The following GPHN variants were observed in gnomAD, a reference collection of about 807,000 sequenced individuals.
GPHN encodes the protein gephyrin.
Under a neutral mutation model 95.5 loss-of-function variants are expected in GPHN, and 17 were observed. The ratio of observed to expected loss-of-function variants is 0.18; its 90% CI spans 0.12 to 0.27. The LOEUF is 0.27. GPHN is among the 10% of genes least tolerant of loss of function. GPHN has a pLI of 1.00. For missense variants in GPHN, 660 were observed against 978.1 expected (o/e 0.67, Z 4.34); for synonymous variants, 320 against 322.5 (o/e 0.99, Z 0.08).
chr14:67,407,782 G>T, the GPHN span, among the ~76,000 whole-genome samples: 1 of 152,096 alleles, frequency 6.6e-6, no homozygotes, highest in Non-Finnish European at 1.5e-5. Context: ...GGCACAGAAA[G>T]GTCTTGCCCA....
chr14:66,941,234 C>G (rs775944518), intron 8 of GPHN, among the ~76,000 whole-genome samples: 1 of 146,604 alleles, frequency 6.8e-6, no homozygotes, highest in African/African-American at 2.7e-5. Flanking sequence ...CATAATTTCT[C>G]TCTCTCCAGT....
the GPHN span, among the ~76,000 whole-genome samples, chr14:67,508,425 T>G: frequency 2.6e-5 from 4 of 151,998 alleles, no homozygotes; most frequent in Non-Finnish European, 4.4e-5. Flanking sequence ...CCAAAAAACT[T>G]GCATCACACG....
At chr14:67,203,284 T>A in the GPHN span, 1 of 1,585,732 alleles carries the variant, frequency 6.3e-7, no homozygotes, top group Admixed American at 1.8e-5. Context: ...GAGAAACTAG[T>A]GCTCACCAGG....
the GPHN span, chr14:67,201,582 C>A: frequency 1.2e-4 from 53 of 454,196 alleles, no homozygotes; most frequent in Non-Finnish European, 2.0e-4. Flanking sequence ...TTGCTGGTCA[C>A]ATGCCACTGC....
At chr14:67,618,857 A>G in the GPHN span, among the ~76,000 whole-genome samples, 1 of 152,266 alleles carries the variant, frequency 6.6e-6, no homozygotes, top group African/African-American at 2.4e-5. Flanking sequence ...TTAGGGTACT[A>G]AAACTCCTTT....
At chr14:66,633,390 A>G (rs775343560) in intron 1 of GPHN, among the ~76,000 whole-genome samples, 4 of 152,182 alleles carry the variant, frequency 2.6e-5, no homozygotes, top group African/African-American at 4.8e-5. Context: ...AAACTTTTCT[A>G]TTTCCATAAA....
At chr14:67,284,424 T>C in the GPHN span, among the ~76,000 whole-genome samples, 2 of 83,774 alleles carry the variant, frequency 2.4e-5, no homozygotes, top group East Asian at 6.8e-4. Context: ...ATAGACCCTA[T>C]CTCTTAAAAA....
the GPHN span, chr14:67,303,676 A>G: frequency 3.0e-6 from 3 of 991,338 alleles, no homozygotes; most frequent in Non-Finnish European, 4.9e-6. Flanking sequence ...CTGTTACAGA[A>G]ATGTCACTGT....
At chr14:67,216,898 GA>G in the GPHN span, among the ~76,000 whole-genome samples, 1 of 152,166 alleles carries the variant, frequency 6.6e-6, no homozygotes, top group Admixed American at 6.5e-5. Context: ...GCTGTTGGAT[GA>G]AATGTTCTAT....
chr14:67,264,984 T>C, the GPHN span, among the ~76,000 whole-genome samples: 1 of 152,212 alleles, frequency 6.6e-6, no homozygotes, highest in South Asian at 2.1e-4. Flanking sequence ...GTTTAAGTTA[T>C]AATACATGTT....
the GPHN span, among the ~76,000 whole-genome samples, chr14:67,436,121 T>C: frequency 6.6e-6 from 1 of 152,226 alleles, no homozygotes. Context: ...TACTGGAAAC[T>C]ACTGATCCAT....
the GPHN span, chr14:67,727,486 T>G: frequency 1.2e-4 from 26 of 215,798 alleles, no homozygotes; most frequent in Non-Finnish European, 1.4e-4. Context: ...GTTTTTTTTG[T>G]TTTTTTTTTT....
Position 66,722,339 on chromosome 14 carries a change from G to A in GPHN, c.143+41154G>A, listed in dbSNP as rs568925436. 1.2e-4 allele frequency among the ~76,000 whole-genome samples: 19 copies of A among 152,220 alleles called. No homozygotes were observed. In the South Asian group the frequency reaches 3.5e-3, roughly 28 times the overall value. On this transcript the variant is annotated intron_variant, in intron 2 of 22. Transcript: ENST00000478722. ...TGGGGGAAAACCCTTTCACGATATC[G>A]TTATCAAGAGCAGACAGGTAATCCA...
At chr14:67,416,537 C>T in the GPHN span, among the ~76,000 whole-genome samples, 4 of 152,324 alleles carry the variant, frequency 2.6e-5, no homozygotes, top group South Asian at 8.3e-4. Flanking sequence ...CAGGAAAAGA[C>T]TAAAGAGAAA....
chr14:67,058,796 T>C lies in GPHN; in HGVS notation c.1144+10T>C. The C allele has an allele frequency of 6.2e-7, 1 of 1,611,352 alleles. No individual in the cohort carries two copies. The highest frequency in any genetic ancestry group is 1.1e-5 in the South Asian group (1 of 91,032). ...ATCATCAATTACCGAGGTACTATTATATTTGACCATTGCCCTTTCTTTTCT... is the reference window on the plus strand; with the variant it reads ...ATCATCAATTACCGAGGTACTATTACATTTGACCATTGCCCTTTCTTTTCT... On this transcript the variant is annotated intron_variant, in intron 11 of 22. Transcript: ENST00000478722.
chr14:67,058,268 CTT>C (rs2075683527), intron 10 of GPHN, among the ~76,000 whole-genome samples: 1 of 152,056 alleles, frequency 6.6e-6, no homozygotes, highest in African/African-American at 2.4e-5. Flanking sequence ...GTTTTTCAAA[CTT>C]TGAAAATTTT....
At chr14:67,571,980 C>A in the GPHN span, 1 of 1,515,786 alleles carries the variant, frequency 6.6e-7, no homozygotes, top group East Asian at 2.5e-5. Context: ...TGAACATGGG[C>A]GTCCCCACTT....
the GPHN span, among the ~76,000 whole-genome samples, chr14:67,419,951 A>G: frequency 6.6e-6 from 1 of 152,190 alleles, no homozygotes; most frequent in Non-Finnish European, 1.5e-5. Flanking sequence ...AGTAGCAGGA[A>G]TCATGTCCAT....
chr14:67,079,222 A>G (rs1242044320), intron 11 of GPHN, among the ~76,000 whole-genome samples: 1 of 152,126 alleles, frequency 6.6e-6, no homozygotes, highest in Non-Finnish European at 1.5e-5. Context: ...GATAAAATTC[A>G]AAGTATTCAG....
Sources: gnomAD v4.1 joint callset for allele counts (sites outside exome capture counted in the v4.1 genomes callset) on GRCh38, gnomAD v4.1.1 for gene constraint, MANE v1.5 for transcripts, NCBI Gene and HGNC (gene_info 2026-07-23, HGNC 2026-07-21) for gene names.